Variants in ERC1 observed in about 807,000 individuals in gnomAD.
ERC1 encodes ELKS/RAB6-interacting/CAST family member 1, also known as RAB6 interacting protein 2.
In ERC1, 56 loss-of-function variants were observed where a neutral mutation model predicts 132.0. The ratio of observed to expected loss-of-function variants is 0.42; its 90% CI spans 0.34 to 0.53. ERC1 has a LOEUF of 0.53. Among genes scored for constraint, ERC1 ranks in the 20% least tolerant of loss-of-function variants. ERC1 has a pLI of 0.03. For missense variants in ERC1, 1,202 were observed against 1,349.9 expected, an observed-to-expected ratio of 0.89 and a Z score of 1.72; for synonymous variants, 478 against 476.1, an observed-to-expected ratio of 1.00 and a Z score of -0.05.
At chr12:998,277 A>G (rs549191064) in intron 1 of ERC1, 3 of 152,350 alleles carry the variant, frequency 2.0e-5, no homozygotes, top group South Asian at 2.1e-4. Context: ...TCTATTGGCT[A>G]TATAACAAAT....
In ERC1 at chr12:1,388,343, C is replaced by G. The variant is rs555896640; in HGVS notation, c.2925+16366C>G. 6.7e-3 allele frequency among the ~76,000 whole-genome samples: 512 copies of G among 76,420 alleles called. 2 individuals are homozygous for G. Among genetic ancestry groups the G allele is most frequent in the African/African-American group, 0.042 (479 of 11,298 alleles). The allele number at this position is 76,420 out of a possible 152,430, so 50.1% of individuals were successfully genotyped here. On this transcript the variant is annotated intron_variant, in intron 16 of 18. Coordinates refer to ENST00000360905, the MANE Select transcript of ERC1 (RefSeq NM_178040.4). Reference sequence around the variant, plus strand: ...CCAGCCTGGGTGACAGAGACTCTGTCTCAAAAAAAAAAAAAAAAAAAAAAA... The same window carrying G: ...CCAGCCTGGGTGACAGAGACTCTGTGTCAAAAAAAAAAAAAAAAAAAAAAA...
chr12:1,158,470 G>T (rs1951593150), intron 8 of ERC1, among the ~76,000 whole-genome samples: 1 of 151,316 alleles, frequency 6.6e-6, no homozygotes, highest in South Asian at 2.1e-4. Context: ...TGCTCTTGTT[G>T]CCCAGGCTGG....
At chr12:1,263,318 G>A (rs926586108) in intron 14 of ERC1, among the ~76,000 whole-genome samples, 153 bp downstream of exon 14, 14 of 152,128 alleles carry the variant, frequency 9.2e-5, no homozygotes, top group African/African-American at 2.4e-4. Context: ...CCTTCATAGC[G>A]GTATTAGATA....
intron 12 of ERC1, among the ~76,000 whole-genome samples, chr12:1,232,252 C>T (rs1406124360): frequency 1.3e-5 from 2 of 152,106 alleles, no homozygotes; most frequent in Non-Finnish European, 2.9e-5. Context: ...TCCTCTTTGC[C>T]TTTGATTTTT....
chr12:1,319,498 T>A (rs2081977478), intron 15 of ERC1, among the ~76,000 whole-genome samples: 1 of 152,222 alleles, frequency 6.6e-6, no homozygotes, highest in South Asian at 2.1e-4. Context: ...GCTCTCTGTA[T>A]ATGCAGGATA....
At chr12:1,385,426 GCGCC>G (rs1230841354) in intron 16 of ERC1, among the ~76,000 whole-genome samples, 1 of 152,134 alleles carries the variant, frequency 6.6e-6, no homozygotes, top group Non-Finnish European at 1.5e-5. Context: ...GGGACTACAG[GCGCC>G]CGCCACCACG....
At position 1,097,761 on chromosome 12, in the gene ERC1, C is replaced by A. The variant is rs571004226; in HGVS notation, c.1087-6989C>A. 1.3e-3 allele frequency among the ~76,000 whole-genome samples: 188 copies of A among 149,900 alleles called. 1 individual carries two copies. Among genetic ancestry groups the A allele is most frequent in the African/African-American group, 4.4e-3 (178 of 40,528 alleles). On this transcript the variant is annotated intron_variant, in intron 3 of 18. Transcript: ENST00000360905. ...ACAGAGTCTCACTCTGTTGCCCAAG[C>A]TGGAGTGCAATGTCGCGATCTCGGC...
chr12:1,263,669 G>A (rs12315865), intron 14 of ERC1, among the ~76,000 whole-genome samples: 57,083 of 151,514 alleles, frequency 0.38, 11,229 homozygotes, highest in African/African-American at 0.48. Context: ...AAACATGAAC[G>A]TTTCTCTTTT....
At chr12:1,194,795 G>C (rs1209831092) in intron 12 of ERC1, among the ~76,000 whole-genome samples, 1 of 152,062 alleles carries the variant, frequency 6.6e-6, no homozygotes, top group African/African-American at 2.4e-5. Flanking sequence ...GATAACAGAG[G>C]TTGCCTTTGG....
intron 2 of ERC1, among the ~76,000 whole-genome samples, chr12:1,037,860 T>C (rs982200233): frequency 4.6e-5 from 7 of 151,890 alleles, no homozygotes; most frequent in African/African-American, 9.7e-5. Context: ...CTGGCTAACA[T>C]GGTGAAACCC....
chr12:1,173,049 C>T (rs187159133), intron 8 of ERC1, among the ~76,000 whole-genome samples: 57 of 152,124 alleles, frequency 3.7e-4, no homozygotes, highest in Non-Finnish European at 6.2e-4. Flanking sequence ...TTTGGGGGTT[C>T]GTTTTATTCT....
At chr12:1,229,697 TTCTC>T (rs1415344043) in intron 12 of ERC1, among the ~76,000 whole-genome samples, 1 of 152,162 alleles carries the variant, frequency 6.6e-6, no homozygotes, top group African/African-American at 2.4e-5. Flanking sequence ...TGAATTCTCT[TTCTC>T]AGTTATTCTA....
At chr12:1,051,287 A>G (rs1971917182) in intron 2 of ERC1, among the ~76,000 whole-genome samples, 1 of 152,168 alleles carries the variant, frequency 6.6e-6, no homozygotes, top group Admixed American at 6.5e-5. Flanking sequence ...GGTAATCGTA[A>G]TGTATATTCT....
In ERC1 at chr12:1,067,038, G is replaced by A. The variant is rs561900995; in HGVS notation, c.670-16126G>A. Among the ~76,000 whole-genome samples, 32 of 152,132 alleles carry A rather than the reference G, an allele frequency of 2.1e-4. No homozygotes were observed. The South Asian group carries it at 2.3e-3, about 11-fold the overall frequency. Reference sequence around the variant, plus strand: ...GCGCAGACTGGTCTCGAACTCTTGGGCTCAAGCAATCTGCCTGCCTCCACC... The same window carrying A: ...GCGCAGACTGGTCTCGAACTCTTGGACTCAAGCAATCTGCCTGCCTCCACC... On this transcript the variant is annotated intron_variant, in intron 2 of 18. Coordinates refer to ENST00000360905, the MANE Select transcript of ERC1 (RefSeq NM_178040.4).
chr12:1,144,635 C>CGTATATATATATATATATATATAT (rs1566075478), intron 8 of ERC1, among the ~76,000 whole-genome samples: 3 of 136,486 alleles, frequency 2.2e-5, no homozygotes, highest in African/African-American at 9.5e-5. Flanking sequence ...TATATATATA[C>CGTATATATATATATATATATATAT]GTGTATATAT....
At chr12:998,410 G>A (rs1296014407) in intron 1 of ERC1, 1 of 152,156 alleles carries the variant, frequency 6.6e-6, no homozygotes, top group Non-Finnish European at 1.5e-5. Flanking sequence ...GCGCTACTTG[G>A]GGAGGCTGTT....
chr12:1,398,286 A>C (rs185861614), intron 16 of ERC1, among the ~76,000 whole-genome samples: 1 of 152,126 alleles, frequency 6.6e-6, no homozygotes, highest in African/African-American at 2.4e-5. Flanking sequence ...GCCCAGCCCA[A>C]ATAGATTTTA....
intron 2 of ERC1, among the ~76,000 whole-genome samples, chr12:1,036,573 G>A (rs7139032): frequency 0.09 from 13,687 of 151,850 alleles, 756 homozygotes; most frequent in South Asian, 0.18. Flanking sequence ...ATGGTGTTTC[G>A]CCATGTTGGG....
chr12:1,115,814 G>A (rs61912159), intron 6 of ERC1, 52 bp from the exon 7 acceptor site: 316,671 of 1,457,182 alleles, frequency 0.22, 37,922 homozygotes, highest in Non-Finnish European at 0.25. Context: ...ATACAGATAA[G>A]AGGTGTTTGT....
Sources: gnomAD v4.1 joint callset for allele counts (sites outside exome capture counted in the v4.1 genomes callset) on GRCh38, gnomAD v4.1.1 for gene constraint, MANE v1.5 for transcripts, NCBI Gene and HGNC (gene_info 2026-07-23, HGNC 2026-07-21) for gene names.